The following NCALD variants were observed in gnomAD, a reference collection of about 807,000 sequenced individuals.
The protein encoded by NCALD is neurocalcin-delta.
In NCALD, 10 loss-of-function variants were observed where a neutral mutation model predicts 18.6. The observed-to-expected ratio is 0.54, with a 90% CI of 0.33 to 0.91. The LOEUF is 0.91. Among genes scored for constraint, NCALD ranks in the 40% least tolerant of loss-of-function variants. The pLI is 0.03. For missense variants in NCALD, 184 were observed against 247.6 expected (o/e 0.74, Z 1.72); for synonymous variants, 88 against 87.4 (o/e 1.01, Z -0.04).
chr8:102,083,024 A>G (rs544227385), intron 1 of NCALD, among the ~76,000 whole-genome samples: 3 of 152,378 alleles, frequency 2.0e-5, no homozygotes, highest in African/African-American at 7.2e-5. Flanking sequence ...AAGAAAAGTC[A>G]ATTTGTTTCA....
At chr8:101,710,466 G>A (rs993897477) in intron 2 of NCALD, among the ~76,000 whole-genome samples, 1 of 152,208 alleles carries the variant, frequency 6.6e-6, no homozygotes. Context: ...AAGTGGTCTT[G>A]CTCAGTGGGT....
intron 2 of NCALD, among the ~76,000 whole-genome samples, chr8:101,716,143 A>G (rs1338471885): frequency 6.6e-6 from 1 of 152,238 alleles, no homozygotes; most frequent in Non-Finnish European, 1.5e-5. Context: ...TAGCCACAAA[A>G]AAAGAATAAA....
intron 1 of NCALD, among the ~76,000 whole-genome samples, chr8:102,117,430 C>T (rs925621242): frequency 6.6e-6 from 1 of 152,186 alleles, no homozygotes; most frequent in Non-Finnish European, 1.5e-5. Context: ...GCCAGAGAGT[C>T]CCAGCTACTG....
Position 101,959,075 on chromosome 8 carries a change from C to T in NCALD, c.-156-43217G>A, listed in dbSNP as rs117633302. Among the ~76,000 whole-genome samples the T allele has an allele frequency of 7.0e-3, 1,059 of 152,158 alleles. 7 individuals are homozygous for T. The highest frequency in any genetic ancestry group is 7.6e-3 in the Non-Finnish European group (520 of 67,996). On this transcript the variant is annotated intron_variant, in intron 2 of 6. Coordinates refer to the NCALD transcript ENST00000311028. Reference sequence around the variant, plus strand: ...ACCCCATTTATGTTCATCCACTAGTCCTAACAATGTCTTTTCTAGCAAAAG... The same window carrying T: ...ACCCCATTTATGTTCATCCACTAGTTCTAACAATGTCTTTTCTAGCAAAAG...
intron 4 of NCALD, among the ~76,000 whole-genome samples, chr8:101,813,381 A>G (rs1012402625): frequency 6.6e-6 from 1 of 152,056 alleles, no homozygotes; most frequent in Non-Finnish European, 1.5e-5. Flanking sequence ...TGCTAAGAAG[A>G]GTAAGGAGCA....
chr8:101,814,830 A>G (rs958287940), intron 4 of NCALD, among the ~76,000 whole-genome samples: 13 of 152,218 alleles, frequency 8.5e-5, no homozygotes, highest in African/African-American at 3.1e-4. Flanking sequence ...TTAAAAACAC[A>G]ATACCATTTA....
intron 4 of NCALD, among the ~76,000 whole-genome samples, chr8:101,814,236 T>C (rs984871353): frequency 6.6e-5 from 10 of 152,086 alleles, no homozygotes; most frequent in African/African-American, 2.4e-4. Flanking sequence ...TAAACATAGA[T>C]GCAAAATCTT....
chr8:101,767,176 T>G (rs1811383550), intron 1 of NCALD, among the ~76,000 whole-genome samples: 1 of 152,208 alleles, frequency 6.6e-6, no homozygotes, highest in Non-Finnish European at 1.5e-5. Context: ...ACTTTAGCAG[T>G]CTCAGTTTGG....
intron 1 of NCALD, among the ~76,000 whole-genome samples, chr8:101,773,157 C>A (rs1406598191): frequency 6.6e-6 from 1 of 152,098 alleles, no homozygotes. Context: ...AATCAAGAAG[C>A]CTCCCTTGAT....
chr8:102,026,338 C>G (rs1425577923), intron 1 of NCALD, among the ~76,000 whole-genome samples: 1 of 152,162 alleles, frequency 6.6e-6, no homozygotes, highest in Admixed American at 6.5e-5. Context: ...AAATCAAAAG[C>G]AAGTTATTAC....
chr8:102,056,607 T>A (rs1198058904), intron 1 of NCALD, among the ~76,000 whole-genome samples: 1 of 152,238 alleles, frequency 6.6e-6, no homozygotes, highest in Non-Finnish European at 1.5e-5. Context: ...GAGTCCTCCA[T>A]CTTGGCCACA....
intron 2 of NCALD, among the ~76,000 whole-genome samples, chr8:101,948,285 C>T (rs1014504230): frequency 6.6e-6 from 1 of 152,118 alleles, no homozygotes; most frequent in Admixed American, 6.5e-5. Context: ...GTTGACAGGA[C>T]TTAGATATGA....
chr8:101,714,490 A>T (rs1246681070), intron 2 of NCALD, among the ~76,000 whole-genome samples: 1 of 152,222 alleles, frequency 6.6e-6, no homozygotes, highest in Non-Finnish European at 1.5e-5. Context: ...AGGAAATAAG[A>T]GAGGACATAA....
intron 2 of NCALD, among the ~76,000 whole-genome samples, chr8:101,705,029 C>A (rs891076266): frequency 6.6e-6 from 1 of 151,892 alleles, no homozygotes; most frequent in South Asian, 2.1e-4. Flanking sequence ...TTCGAGACGA[C>A]CAGCCTGGCC....
At chr8:102,076,869 T>G (rs1231501362) in intron 1 of NCALD, among the ~76,000 whole-genome samples, 1 of 152,220 alleles carries the variant, frequency 6.6e-6, no homozygotes, top group Non-Finnish European at 1.5e-5. Context: ...ATGGTGATGG[T>G]AGACTTATAC....
At chr8:102,020,354 A>G (rs1822232199) in intron 1 of NCALD, 1 of 152,210 alleles carries the variant, frequency 6.6e-6, no homozygotes, top group South Asian at 2.1e-4. Flanking sequence ...AAAAGTCTAA[A>G]TACATCTAAT....
chr8:102,113,542 A>C (rs964032020), intron 1 of NCALD, among the ~76,000 whole-genome samples: 5 of 152,232 alleles, frequency 3.3e-5, no homozygotes, highest in African/African-American at 1.2e-4. Context: ...AAGGCAGACG[A>C]ATACAAAATA....
At chr8:102,100,006 A>AAGAAGAAAG (rs1430509624) in intron 1 of NCALD, among the ~76,000 whole-genome samples, 1 of 20,604 alleles carries the variant, frequency 4.9e-5, no homozygotes, top group Non-Finnish European at 1.2e-4. Flanking sequence ...GAAGAAGAAG[A>AAGAAGAAAG]AGAAAAAGAA....
At chr8:101,982,226 C>T (rs538935936) in intron 2 of NCALD, among the ~76,000 whole-genome samples, 3 of 152,220 alleles carry the variant, frequency 2.0e-5, no homozygotes, top group South Asian at 4.1e-4. Flanking sequence ...TCAGGTATTC[C>T]CTTATAGCAA....
Sources: gnomAD v4.1 joint callset for allele counts (sites outside exome capture counted in the v4.1 genomes callset) on GRCh38, gnomAD v4.1.1 for gene constraint, MANE v1.5 for transcripts, NCBI Gene and HGNC (gene_info 2026-07-23, HGNC 2026-07-21) for gene names.